Variants in MARK2 observed in about 807,000 individuals in gnomAD.
MARK2 encodes the protein microtubule affinity regulating kinase 2.
MARK2 carries 16 observed loss-of-function variants against 89.8 expected under a neutral mutation model. That is an observed-to-expected ratio of 0.18 (90% CI 0.12 to 0.27). The LOEUF is 0.27. Ranked by LOEUF, MARK2 falls within the 10% of genes least tolerant of loss-of-function variation. The pLI, the probability that MARK2 is intolerant of heterozygous loss-of-function variation, is 1.00. For synonymous variants in MARK2, 382 were observed against 399.5 expected, an observed-to-expected ratio of 0.96 and a Z score of 0.52; for missense variants, 621 against 1,049.9, an observed-to-expected ratio of 0.59 and a Z score of 5.65.
chr11:63,888,566 C>G, intron 1 of MARK2: 7 of 1,095,462 alleles, frequency 6.4e-6, no homozygotes, highest in Non-Finnish European at 7.9e-6. Flanking sequence ...CTATTCCCCT[C>G]CTGCCCCTTC....
rs537434629 is a variant in MARK2 at position 63,886,001 on chromosome 11, C to T, written c.55-9158C>T. On this transcript the variant is annotated intron_variant, in intron 1 of 18. Transcript: ENST00000402010. ...AAAATTAGCTGAGTGTGGTGGCGGG[C>T]GCCTGTAATCCCAGCTACTCGGGAG... Among the ~76,000 whole-genome samples, 35 of 151,386 alleles carry T rather than the reference C, an allele frequency of 2.3e-4. No homozygotes were observed. In the South Asian group the frequency reaches 2.5e-3, roughly 11 times the overall value.
rs900591491 is a variant in MARK2 at position 63,903,830 on chromosome 11, C to T, written c.1515-156C>T. On this transcript the variant is annotated intron_variant, in intron 14 of 18. Coordinates refer to ENST00000402010, the MANE Select transcript of MARK2 (RefSeq NM_001039469.3). The surrounding 1 kb of genome is among the most constrained non-coding windows in gnomAD (Gnocchi z 5.1). ...ACCTCCACTTCTCAGCCCCGCATTC[C>T]TCAGTTCTGACTTGCATCCCGCTGC... is the stretch of plus-strand genomic sequence containing the variant. Among the ~76,000 whole-genome samples, 22 of 152,120 alleles carry T rather than the reference C, an allele frequency of 1.4e-4. No homozygotes were observed. Among genetic ancestry groups the T allele is most frequent in the African/African-American group, 4.6e-4 (19 of 41,422 alleles).
intron 1 of MARK2, among the ~76,000 whole-genome samples, chr11:63,883,898 T>C (rs1449649203): frequency 6.6e-6 from 1 of 152,204 alleles, no homozygotes; most frequent in Admixed American, 6.5e-5. Flanking sequence ...GATTTTCTCA[T>C]TTAATCTTCA....
Position 63,857,685 on chromosome 11 carries a change from T to C in MARK2, c.54+18125T>C, listed in dbSNP as rs192136491. ...TTTTTCCTCACTTGAATTTCTAATATAGTAAATACTGATAGATAAAATTCA... is the reference window on the plus strand; with the variant it reads ...TTTTTCCTCACTTGAATTTCTAATACAGTAAATACTGATAGATAAAATTCA... On this transcript the variant is annotated intron_variant, in intron 1 of 18. Coordinates refer to ENST00000402010, the MANE Select transcript of MARK2 (RefSeq NM_001039469.3). 1.1e-4 allele frequency among the ~76,000 whole-genome samples: 16 copies of C among 152,346 alleles called. No individual in the cohort carries two copies. The East Asian group carries it at 2.7e-3, about 26-fold the overall frequency.
At chr11:63,861,567 C>T (rs1163087235) in intron 1 of MARK2, among the ~76,000 whole-genome samples, 1 of 152,176 alleles carries the variant, frequency 6.6e-6, no homozygotes, top group Non-Finnish European at 1.5e-5. Context: ...GAAACTCAGC[C>T]TTAAAGGGAA....
chr11:63,848,778 G>A (rs2016412713), intron 1 of MARK2, among the ~76,000 whole-genome samples: 1 of 151,456 alleles, frequency 6.6e-6, no homozygotes, highest in Non-Finnish European at 1.5e-5. Context: ...AGCCAGGATG[G>A]TCTCAATCTC....
chr11:63,846,803 C>T (rs2016305950), intron 1 of MARK2, among the ~76,000 whole-genome samples: 1 of 151,874 alleles, frequency 6.6e-6, no homozygotes. Flanking sequence ...CTACAGGTGC[C>T]CGCCACCACA....
intron 1 of MARK2, among the ~76,000 whole-genome samples, chr11:63,846,657 ATTTTT>A (rs1302877853): frequency 7.4e-6 from 1 of 134,880 alleles, no homozygotes; most frequent in Non-Finnish European, 1.6e-5. Flanking sequence ...GCCAAAAAAA[ATTTTT>A]TTTTTTTTTT....
rs1373470462 is a variant in MARK2 at position 63,899,870 on chromosome 11, C to T, written c.532-4C>T. 6.2e-7 allele frequency: 1 copy of T among 1,606,688 alleles called. No individual in the cohort carries two copies. Among genetic ancestry groups the T allele is most frequent in the South Asian group, 1.1e-5 (1 of 90,936 alleles). On this transcript the variant is annotated splice_region_variant and splice_polypyrimidine_tract_variant and intron_variant, in intron 7 of 18. Transcript: ENST00000402010. The stretch of plus-strand genomic sequence containing the variant: ...TCCCTGATGTTTTCCATCTTACCTC[C>T]CAGGCAGAAAACCTGCTCTTGGATG...
At position 63,869,452 on chromosome 11, in the gene MARK2, C is replaced by T. The variant is rs117500468; in HGVS notation, c.55-25707C>T. On this transcript the variant is annotated intron_variant, in intron 1 of 18. Coordinates refer to ENST00000402010, the MANE Select transcript of MARK2 (RefSeq NM_001039469.3). ...CTAGTCCGGGCTGCTCAAACTAAGG[C>T]TGCAGAGCCCTGGGGCCTGTTGGAA... 691 of 155,000 alleles carry T rather than the reference C, an allele frequency of 4.5e-3. 4 individuals are homozygous for T. The highest frequency in any genetic ancestry group is 0.01 in the Middle Eastern group (3 of 298). 9.6% of individuals were successfully genotyped at this position (155,000 alleles called of 1,614,324 possible).
At chr11:63,905,508 G>A (rs370359687) in intron 16 of MARK2, among the ~76,000 whole-genome samples, 4 of 152,348 alleles carry the variant, frequency 2.6e-5, no homozygotes, top group South Asian at 2.1e-4. Context: ...GGCTGCAGGC[G>A]CAGCCATGCC....
At chr11:63,845,417 A>T (rs2016229920) in intron 1 of MARK2, among the ~76,000 whole-genome samples, 1 of 152,270 alleles carries the variant, frequency 6.6e-6, no homozygotes, top group South Asian at 2.1e-4. Flanking sequence ...TAGGTGGCTA[A>T]ATTTCCTTCT....
At chr11:63,855,546 T>C (rs1391965726) in intron 1 of MARK2, among the ~76,000 whole-genome samples, 2 of 149,386 alleles carry the variant, frequency 1.3e-5, no homozygotes, top group African/African-American at 2.4e-5. Flanking sequence ...AAAAAAACAG[T>C]GCAGGATGAC....
At position 63,846,657 on chromosome 11, in the gene MARK2, A is replaced by T. The variant is rs868415574; in HGVS notation, c.54+7097A>T. On this transcript the variant is annotated intron_variant, in intron 1 of 18. Transcript: ENST00000402010. ...GAGTCACCCCGCCTGGCCAAAAAAA[A>T]TTTTTTTTTTTTTTTTGAGACGTTG... 3.9e-3 allele frequency among the ~76,000 whole-genome samples: 532 copies of T among 134,886 alleles called. 3 individuals are homozygous for T. The highest frequency in any genetic ancestry group is 0.011 in the African/African-American group (381 of 36,026). 88.5% of individuals were successfully genotyped at this position (134,886 alleles called of 152,430 possible). A position where few individuals can be genotyped will look rare whatever the true frequency, so the allele number is the denominator to read the frequency against.
chr11:63,863,390 T>G (rs186885155), intron 1 of MARK2, among the ~76,000 whole-genome samples: 1 of 152,220 alleles, frequency 6.6e-6, no homozygotes, highest in East Asian at 1.9e-4. Flanking sequence ...CAAGGGTGCC[T>G]TTTATTTTAA....
chr11:63,904,425 G>A lies in MARK2; in HGVS notation c.1676+278G>A, dbSNP rs1249985932. Among the ~76,000 whole-genome samples the A allele has an allele frequency of 1.3e-5, 2 of 152,098 alleles. No individual in the cohort carries two copies. The highest frequency in any genetic ancestry group is 1.9e-4 in the East Asian group (1 of 5,196). On this transcript the variant is annotated intron_variant, in intron 15 of 18. Transcript: ENST00000402010. This position sits in a 1 kb window ranked among gnomAD's most constrained non-coding sequence, Gnocchi z 6.3. Reference sequence around the variant, plus strand: ...TCTGAACCTTCCAGGGTTTCCTTAGGGACCCCGGGGATAGTCGGCATCACA... The same window carrying A: ...TCTGAACCTTCCAGGGTTTCCTTAGAGACCCCGGGGATAGTCGGCATCACA...
chr11:63,907,637 G>A (rs1287201554), intron 17 of MARK2, among the ~76,000 whole-genome samples: 1 of 148,688 alleles, frequency 6.7e-6, no homozygotes, highest in Admixed American at 6.7e-5. Flanking sequence ...TGGCAGGCCA[G>A]CAGGTAGGGG....
intron 18 of MARK2, 149 bp from the exon 19 acceptor site, chr11:63,908,728 C>T (rs1941550801): frequency 1.4e-6 from 1 of 706,602 alleles, no homozygotes; most frequent in Non-Finnish European, 2.1e-6. Flanking sequence ...GGACTGCCAC[C>T]CTCCGCCCCC....
chr11:63,879,043 G>A (rs1018386177), intron 1 of MARK2, among the ~76,000 whole-genome samples: 3 of 152,216 alleles, frequency 2.0e-5, no homozygotes, highest in Middle Eastern at 3.4e-3. Context: ...GGTGACTCAC[G>A]CCTGTAATCC....
Sources: allele counts gnomAD v4.1 joint callset (sites outside exome capture counted in the v4.1 genomes callset), GRCh38; gene constraint gnomAD v4.1.1; non-coding constraint Gnocchi (gnomAD v3.1); transcripts MANE v1.5; gene names NCBI Gene and HGNC (gene_info 2026-07-23, HGNC 2026-07-21).